EIF3D: variants seen among roughly 807,000 people sequenced by gnomAD.
The protein encoded by EIF3D is eukaryotic translation initiation factor 3 subunit D.
A neutral mutation model predicts 75.4 loss-of-function variants in EIF3D; 10 were observed. That is an observed-to-expected ratio of 0.13 (90% confidence interval 0.08 to 0.22). The LOEUF is 0.22. EIF3D is among the 10% of genes least tolerant of loss of function. EIF3D has a pLI of 1.00. For synonymous variants in EIF3D, 246 were observed against 248.3 expected (o/e 0.99, Z 0.09); for missense variants, 394 against 708.0 (o/e 0.56, Z 5.03).
chr22:36,527,035 A>C (rs1385389468), intron 1 of EIF3D: 1 of 152,208 alleles, frequency 6.6e-6, no homozygotes, highest in African/African-American at 2.4e-5. Flanking sequence ...CCTGAAATTC[A>C]ATTTTCCTTT....
At chr22:36,516,293 A>G in intron 12 of EIF3D, 185 bp downstream of exon 12, 1 of 658,734 alleles carries the variant, frequency 1.5e-6, no homozygotes, top group Non-Finnish European at 2.5e-6. Context: ...ACACACAGTC[A>G]TGCTCTTTCT....
chr22:36,512,413 C>T (rs570571940), intron 13 of EIF3D, 47 bp downstream of exon 13: 9 of 1,609,986 alleles, frequency 5.6e-6, no homozygotes, highest in African/African-American at 2.7e-5. Flanking sequence ...CTACCCAGAC[C>T]CTTCCTTTCA....
chr22:36,515,443 G>T (rs183376016), intron 12 of EIF3D, among the ~76,000 whole-genome samples: 1 of 152,100 alleles, frequency 6.6e-6, no homozygotes, highest in Non-Finnish European at 1.5e-5. Context: ...CAGGAGAATC[G>T]CTTGAGCCCG....
At chr22:36,512,439 G>C in intron 13 of EIF3D, 21 bp downstream of exon 13, 1 of 1,613,530 alleles carries the variant, frequency 6.2e-7, no homozygotes, top group Non-Finnish European at 8.5e-7. Context: ...TCAGCTGCCA[G>C]CTCCTGCACA....
chr22:36,528,649 C>A (rs997700248), intron 1 of EIF3D: 6 of 150,968 alleles, frequency 4.0e-5, no homozygotes. Flanking sequence ...ATCCTAGCCT[C>A]CAGTTTCACA....
At chr22:36,521,112 AC>A (rs1934505519) in intron 6 of EIF3D, among the ~76,000 whole-genome samples, 1 of 152,214 alleles carries the variant, frequency 6.6e-6, no homozygotes, top group Admixed American at 6.5e-5. Context: ...AGGCAGGAGA[AC>A]AGCTTGAATC....
chr22:36,520,318 G>A (rs111320754), intron 7 of EIF3D, among the ~76,000 whole-genome samples: 3,871 of 152,084 alleles, frequency 0.025, 165 homozygotes, highest in African/African-American at 0.088. Context: ...CACCACACCC[G>A]GCTAAGTTTT....
chr22:36,512,606 C>T lies in EIF3D; in HGVS notation c.1207-4G>A. ...GCCAGTCAACGCCATTACAGTGCTG[C>T]AGGAGAGCCCCGTTAGAGAAACAGA... is the stretch of plus-strand genomic sequence containing the variant. On this transcript the variant is annotated splice_polypyrimidine_tract_variant and splice_region_variant and intron_variant, in intron 12 of 14. Transcript: ENST00000216190. 1 of 1,608,780 alleles carries T rather than the reference C, an allele frequency of 6.2e-7. No homozygotes were observed. Among genetic ancestry groups the T allele is most frequent in the Admixed American group, 1.7e-5 (1 of 59,762 alleles).
intron 3 of EIF3D, 71 bp downstream of exon 3, chr22:36,525,593 A>G: frequency 6.6e-7 from 1 of 1,511,994 alleles, no homozygotes; most frequent in South Asian, 1.2e-5. Context: ...AGCTTTCAGA[A>G]GAAGGTCATT....
At chr22:36,513,501 T>G (rs1934374432) in intron 12 of EIF3D, among the ~76,000 whole-genome samples, 1 of 152,020 alleles carries the variant, frequency 6.6e-6, no homozygotes, top group Non-Finnish European at 1.5e-5. Context: ...CGGGGTTTCA[T>G]CATGTTGGCC....
chr22:36,525,818 GTTC>G, intron 2 of EIF3D, 109 bp from the exon 3 acceptor site: 1 of 1,486,706 alleles, frequency 6.7e-7, no homozygotes, highest in East Asian at 2.3e-5. Flanking sequence ...CTCAGAATTT[GTTC>G]ACAACACCTC....
chr22:36,527,010 G>C (rs2145880176), intron 1 of EIF3D: 1 of 152,330 alleles, frequency 6.6e-6, no homozygotes, highest in African/African-American at 2.4e-5. Flanking sequence ...GAGAAAAAAA[G>C]ATCTTTAAGT....
chr22:36,522,564 G>A (rs1934530833), intron 6 of EIF3D, among the ~76,000 whole-genome samples: 1 of 152,072 alleles, frequency 6.6e-6, no homozygotes, highest in East Asian at 1.9e-4. Context: ...AGTTACTAAA[G>A]ACCACATATT....
At chr22:36,516,440 A>G (rs778762531) in intron 12 of EIF3D, 38 bp downstream of exon 12, 7 of 1,605,578 alleles carry the variant, frequency 4.4e-6, no homozygotes, top group Middle Eastern at 3.5e-4. Context: ...GAATAGAGAC[A>G]TGGTGTCACC....
chr22:36,528,443 G>A (rs375362752), intron 1 of EIF3D, among the ~76,000 whole-genome samples: 2 of 151,402 alleles, frequency 1.3e-5, no homozygotes, highest in Admixed American at 6.6e-5. Context: ...AGAGCAGAGC[G>A]GAACCAGGAG....
rs776871297 is a variant in EIF3D, at chr22:36,526,010, G to T, written c.112C>A (p.Arg38=). The T allele has an allele frequency of 6.2e-7, 1 of 1,611,346 alleles. No individual in the cohort carries two copies. Residue 38 remains arginine (R), a synonymous_variant, in exon 2 of 15, where the codon CGG becomes AGG. Coordinates refer to ENST00000216190, the MANE Select transcript of EIF3D (RefSeq NM_003753.4). ...TGACAGGCATGTACCTTTCCTAGCCGATCTCCTTTGCTGAACGGCTGGTAG... is the reference window on the plus strand; with the variant it reads ...TGACAGGCATGTACCTTTCCTAGCCTATCTCCTTTGCTGAACGGCTGGTAG... ...MPYQPFSKGD[R]LGKVADWTGA... is the part of the protein sequence containing the mutation.
At chr22:36,519,382 GA>G in intron 8 of EIF3D, 22 bp downstream of exon 8, 4 of 1,613,626 alleles carry the variant, frequency 2.5e-6, no homozygotes, top group East Asian at 2.2e-5. Flanking sequence ...ACAAGGGGGA[GA>G]GGGGCAGAAG....
At chr22:36,515,397 G>A (rs1844937706) in intron 12 of EIF3D, among the ~76,000 whole-genome samples, 1 of 152,100 alleles carries the variant, frequency 6.6e-6, no homozygotes, top group South Asian at 2.1e-4. Flanking sequence ...GTGTGGTGGT[G>A]CATGCCTATA....
chr22:36,516,843 G>A, intron 10 of EIF3D, 53 bp from the exon 11 acceptor site: 1 of 1,534,228 alleles, frequency 6.5e-7, no homozygotes. Flanking sequence ...ACAAGGCCAA[G>A]GCCAATCAGT....
Sources: allele counts gnomAD v4.1 joint callset (sites outside exome capture counted in the v4.1 genomes callset), GRCh38; gene constraint gnomAD v4.1.1; transcripts MANE v1.5; gene names NCBI Gene and HGNC (gene_info 2026-07-23, HGNC 2026-07-21).